The following SANBR variants were observed in gnomAD, a reference collection of about 807,000 sequenced individuals.
SANBR encodes the protein SANT and BTB domain regulator of class switch recombination.
SANBR carries 77 observed loss-of-function variants against 101.8 expected under a neutral mutation model. The observed-to-expected ratio is 0.76, with a 90% CI of 0.63 to 0.91. SANBR has a LOEUF of 0.91. SANBR is among the 40% of genes least tolerant of loss of function. SANBR has a pLI of 0.00. For synonymous variants in SANBR, 279 were observed against 274.7 expected (o/e 1.02, Z -0.15); for missense variants, 875 against 853.0 (o/e 1.03, Z -0.32).
intron 14 of SANBR, 91 bp from the exon 15 acceptor site, chr2:61,108,226 T>G: frequency 1.4e-6 from 1 of 731,222 alleles, no homozygotes; most frequent in Non-Finnish European, 2.2e-6. Context: ...ATTTGTAACT[T>G]TTTTCAACTC....
intron 20 of SANBR, 80 bp from the exon 21 acceptor site, chr2:61,121,105 T>C: frequency 9.9e-7 from 1 of 1,009,346 alleles, no homozygotes; most frequent in African/African-American, 1.6e-5. Flanking sequence ...TACTTCTAAA[T>C]TAAAAAGTAA....
intron 10 of SANBR, chr2:61,088,981 A>C (rs1233184476): frequency 1.1e-6 from 1 of 894,078 alleles, no homozygotes; most frequent in Non-Finnish European, 1.3e-6. Flanking sequence ...GGTAAGTGTC[A>C]TAATGTTTTA....
chr2:61,125,247 T>C (rs1303264830), downstream of SANBR, among the ~76,000 whole-genome samples: 2 of 152,262 alleles, frequency 1.3e-5, no homozygotes, highest in African/African-American at 4.8e-5. Context: ...TTTGCTATTA[T>C]TGTTGCATTG....
At chr2:61,094,473 A>T (rs184550913) in intron 11 of SANBR, among the ~76,000 whole-genome samples, 248 of 152,262 alleles carry the variant, frequency 1.6e-3, no homozygotes, top group African/African-American at 5.8e-3. Flanking sequence ...TTTATGGCTA[A>T]GTAGTAGTCT....
intron 12 of SANBR, among the ~76,000 whole-genome samples, chr2:61,100,267 G>A (rs1491001176): frequency 6.6e-6 from 1 of 152,136 alleles, no homozygotes; most frequent in Non-Finnish European, 1.5e-5. Flanking sequence ...ACCATGCCTG[G>A]CTAATTTTTG....
rs1684780073 is a variant in SANBR, at chr2:61,134,278, T to C, written c.*44+2T>C. On this transcript the variant is annotated splice_donor_variant, in intron 21 of 21. Transcript: ENST00000295031. LOFTEE classifies it low-confidence loss of function (3UTR_SPLICE). ...ACTTGGAATACTGCTTGACATATCG[T>C]AAGTGCTCAAAAATGTTAGCTATTA... 9.0e-6 allele frequency: 14 copies of C among 1,551,276 alleles called. No individual in the cohort carries two copies. The highest frequency in any genetic ancestry group is 1.1e-5 in the Non-Finnish European group (13 of 1,143,898).
At chr2:61,121,500 A>G (rs948214908) in intron 21 of SANBR, 3 of 378,274 alleles carry the variant, frequency 7.9e-6, no homozygotes, top group South Asian at 2.9e-5. Flanking sequence ...TGCTTGTTGG[A>G]CTAGCTTCAT....
chr2:61,098,382 G>T (rs184114849), intron 12 of SANBR, among the ~76,000 whole-genome samples: 15 of 152,240 alleles, frequency 9.9e-5, no homozygotes, highest in Admixed American at 9.8e-4. Flanking sequence ...GGGATTACAG[G>T]TGTGAGCCAC....
chr2:61,135,944 G>C (rs1180089603), intron 21 of SANBR, among the ~76,000 whole-genome samples: 1 of 152,144 alleles, frequency 6.6e-6, no homozygotes, highest in Non-Finnish European at 1.5e-5. Context: ...AATAACACAG[G>C]TTCTCTAAGC....
At chr2:61,092,909 G>A (rs1328872862) in intron 11 of SANBR, among the ~76,000 whole-genome samples, 6 of 151,886 alleles carry the variant, frequency 4.0e-5, no homozygotes, top group Non-Finnish European at 8.8e-5. Context: ...CGAGGTGGGC[G>A]GATCACGAGG....
At chr2:61,093,859 A>G (rs72877567) in intron 11 of SANBR, among the ~76,000 whole-genome samples, 3,818 of 152,312 alleles carry the variant, frequency 0.025, 175 homozygotes, top group African/African-American at 0.087. Context: ...AAAACTTGCT[A>G]CTTGTAGGAA....
intron 16 of SANBR, among the ~76,000 whole-genome samples, chr2:61,113,012 G>GT (rs1038245765): frequency 1.3e-5 from 2 of 152,114 alleles, no homozygotes; most frequent in African/African-American, 4.8e-5. Context: ...TTTTGTATGA[G>GT]TTAAGGGTCA....
chr2:61,122,347 T>C lies in SANBR; in HGVS notation c.*185T>C. On this transcript the variant is annotated 3_prime_UTR_variant, in exon 22 of 22. Transcript: ENST00000402291. ...TTTTATGAAAATCTAATTGTAAATA[T>C]GAAACTTTTTAAATCTGATTTTCTT... 2 of 1,248,558 alleles carry C rather than the reference T, an allele frequency of 1.6e-6. No individual in the cohort carries two copies. Among genetic ancestry groups the C allele is most frequent in the South Asian group, 2.9e-5 (1 of 34,858 alleles). 77.3% of individuals were successfully genotyped at this position (1,248,558 alleles called of 1,614,324 possible). A position where few individuals can be genotyped will look rare whatever the true frequency, so the allele number is the denominator to read the frequency against.
chr2:61,122,630 C>G lies in SANBR; in HGVS notation c.*468C>G. 1 of 986,944 alleles carries G rather than the reference C, an allele frequency of 1.0e-6. No individual in the cohort carries two copies. Among genetic ancestry groups the G allele is most frequent in the Non-Finnish European group, 1.2e-6 (1 of 830,960 alleles). 61.1% of individuals were successfully genotyped at this position (986,944 alleles called of 1,614,324 possible). A position where few individuals can be genotyped will look rare whatever the true frequency, so the allele number is the denominator to read the frequency against. Reference sequence around the variant, plus strand: ...TTGTGTGACGAAATTCCCAATGATGCTAATTTTAAGTCTGCATGAATATTA... The same window carrying G: ...TTGTGTGACGAAATTCCCAATGATGGTAATTTTAAGTCTGCATGAATATTA... On this transcript the variant is annotated 3_prime_UTR_variant, in exon 22 of 22. Coordinates refer to ENST00000402291, the MANE Select transcript of SANBR (RefSeq NM_001129993.3).
chr2:61,091,797 CTT>C (rs1210151616), intron 10 of SANBR, among the ~76,000 whole-genome samples: 6 of 152,008 alleles, frequency 3.9e-5, no homozygotes, highest in South Asian at 2.1e-4. Flanking sequence ...AAAAAACAAA[CTT>C]GAGTTGCATA....
chr2:61,094,697 G>A (rs1369189736), intron 11 of SANBR, among the ~76,000 whole-genome samples: 2 of 133,806 alleles, frequency 1.5e-5, no homozygotes, highest in East Asian at 2.3e-4. Flanking sequence ...AACCTGGAGT[G>A]CGCTGGCGCC....
intron 8 of SANBR, among the ~76,000 whole-genome samples, chr2:61,086,452 T>C (rs1293590660): frequency 6.6e-6 from 1 of 152,132 alleles, no homozygotes; most frequent in African/African-American, 2.4e-5. Context: ...CAAAATAGTA[T>C]TGATAAAGGC....
At position 61,105,360 on chromosome 2, in the gene SANBR, C is replaced by T. The variant is rs191098787; in HGVS notation, c.1512-1203C>T. On this transcript the variant is annotated intron_variant, in intron 13 of 21. Coordinates refer to ENST00000402291, the MANE Select transcript of SANBR (RefSeq NM_001129993.3). ...CAGCCTGGGTGACAGAGGGAGACTC[C>T]GTCTCAAAAAAAAAAAAGCATTTCA... Among the ~76,000 whole-genome samples, 13 of 150,828 alleles carry T rather than the reference C, an allele frequency of 8.6e-5. No homozygotes were observed. In the East Asian group the frequency reaches 2.0e-3, roughly 23 times the overall value.
Position 61,109,258 on chromosome 2 carries a change from A to T in SANBR, c.1706A>T (p.Asp569Val). Residue 569 changes from aspartate (D) to valine (V), a missense_variant, in exon 16 of 22, where the codon GAT (aspartate) becomes GTT (valine). Transcript: ENST00000402291. ...EYTTGSEVTE[D>V]EVGDEEEVSK... ...ACCACTGGATCTGAGGTCACTGAAG[A>T]TGAAGTTGGAGATGAAGAAGAAGTA... The T allele has an allele frequency of 6.3e-7, 1 of 1,581,002 alleles. No homozygotes were observed. Among genetic ancestry groups the T allele is most frequent in the African/African-American group, 1.3e-5 (1 of 74,270 alleles).
Sources: gnomAD v4.1 joint callset for allele counts (sites outside exome capture counted in the v4.1 genomes callset) on GRCh38, gnomAD v4.1.1 for gene constraint, MANE v1.5 for transcripts, NCBI Gene and HGNC (gene_info 2026-07-23, HGNC 2026-07-21) for gene names.